Variants in ZDHHC20 observed in about 807,000 individuals in gnomAD.
ZDHHC20 encodes the protein palmitoyltransferase ZDHHC20.
Under a neutral mutation model 57.8 loss-of-function variants are expected in ZDHHC20, and 43 were observed. The observed-to-expected ratio is 0.74, with a 90% CI of 0.58 to 0.96. The LOEUF is 0.96. Ranked by LOEUF, ZDHHC20 falls within the 40% of genes least tolerant of loss-of-function variation. The probability of loss-of-function intolerance (pLI) is 0.00; values close to 1 mark genes in which losing one functional copy is unlikely to be tolerated. For synonymous variants in ZDHHC20, 157 were observed against 153.0 expected, an observed-to-expected ratio of 1.03 and a Z score of -0.19; for missense variants, 391 against 441.1, an observed-to-expected ratio of 0.89 and a Z score of 1.02.
Position 21,427,520 on chromosome 13 carries a change from C to G in ZDHHC20, c.119-1842G>C, listed in dbSNP as rs570500757. ...GCTTCTCACCAAGATATTCAGGGAA[C>G]AATAAAACTGCTTCATATAAAAACA... is the stretch of plus-strand genomic sequence containing the variant. On this transcript the variant is annotated intron_variant, in intron 1 of 12. Transcript: ENST00000400590. Among the ~76,000 whole-genome samples the G allele has an allele frequency of 6.6e-5, 10 of 152,084 alleles. No homozygotes were observed. In the South Asian group the frequency reaches 1.2e-3, roughly 19 times the overall value.
chr13:21,453,809 C>G (rs1430166540), intron 1 of ZDHHC20, among the ~76,000 whole-genome samples: 1 of 152,114 alleles, frequency 6.6e-6, no homozygotes, highest in Non-Finnish European at 1.5e-5. Context: ...CCAGCCTGGG[C>G]AACAGAGCAA....
At chr13:21,422,680 T>C (rs951641024) in intron 2 of ZDHHC20, among the ~76,000 whole-genome samples, 3 of 152,210 alleles carry the variant, frequency 2.0e-5, no homozygotes, top group African/African-American at 7.2e-5. Flanking sequence ...TTATTTTCAC[T>C]GCCAGTGCAT....
At chr13:21,390,549 C>T (rs1402352346) in intron 8 of ZDHHC20, among the ~76,000 whole-genome samples, 2 of 152,036 alleles carry the variant, frequency 1.3e-5, no homozygotes, top group Admixed American at 6.6e-5. Context: ...TATTCCTTAG[C>T]CTCAGTCATG....
At chr13:21,435,269 G>GA (rs1882425636) in intron 1 of ZDHHC20, among the ~76,000 whole-genome samples, 1 of 151,876 alleles carries the variant, frequency 6.6e-6, no homozygotes, top group African/African-American at 2.4e-5. Context: ...GTGATTCTGA[G>GA]ATGTTAGAGG....
chr13:21,378,416 T>C (rs1021299713), intron 12 of ZDHHC20, among the ~76,000 whole-genome samples: 1 of 152,198 alleles, frequency 6.6e-6, no homozygotes, highest in South Asian at 2.1e-4. Flanking sequence ...GTGGTCCACA[T>C]ACTAGTCCTA....
chr13:21,448,491 C>T lies in ZDHHC20; in HGVS notation c.118+10563G>A, dbSNP rs1301888952. ...GGGGGGGTCAGCCCCGCCGCCCGGC[C>T]AGCCGCCCCGTCCGGGAGGTGAGGG... On this transcript the variant is annotated intron_variant, in intron 1 of 12. Coordinates refer to ENST00000400590, the MANE Select transcript of ZDHHC20 (RefSeq NM_001330059.2). 1.6e-4 allele frequency among the ~76,000 whole-genome samples: 16 copies of T among 102,712 alleles called. 4 individuals carry two copies. The highest frequency in any genetic ancestry group is 1.5e-3 in the Admixed American group (16 of 10,750). 67.4% of individuals were successfully genotyped at this position (102,712 alleles called of 152,430 possible). A position where few individuals can be genotyped will look rare whatever the true frequency, so the allele number is the denominator to read the frequency against.
chr13:21,421,206 A>C, intron 2 of ZDHHC20, 42 bp from the exon 3 acceptor site: 1 of 1,509,536 alleles, frequency 6.6e-7, no homozygotes, highest in Non-Finnish European at 9.2e-7. Flanking sequence ...AATCCAGGTG[A>C]AAACAGCAAA....
At chr13:21,411,673 T>G (rs1473813136) in intron 4 of ZDHHC20, among the ~76,000 whole-genome samples, 1 of 152,236 alleles carries the variant, frequency 6.6e-6, no homozygotes, top group African/African-American at 2.4e-5. Context: ...GCTTGATGAC[T>G]GAGCAGAATG....
chr13:21,435,549 T>C (rs1882455730), intron 1 of ZDHHC20, among the ~76,000 whole-genome samples: 1 of 152,192 alleles, frequency 6.6e-6, no homozygotes, highest in Non-Finnish European at 1.5e-5. Context: ...TAGATTATAA[T>C]TCACAAAATA....
At chr13:21,409,934 G>C (rs1343055629) in intron 4 of ZDHHC20, among the ~76,000 whole-genome samples, 1 of 152,170 alleles carries the variant, frequency 6.6e-6, no homozygotes, top group Non-Finnish European at 1.5e-5. Context: ...TGCTGGCAAG[G>C]AGTTGTGACC....
intron 3 of ZDHHC20, 46 bp downstream of exon 3, chr13:21,421,015 C>T: frequency 1.3e-6 from 2 of 1,502,892 alleles, no homozygotes; most frequent in Non-Finnish European, 1.8e-6. Flanking sequence ...AAAAAAAATT[C>T]CATAATCAGT....
intron 1 of ZDHHC20, among the ~76,000 whole-genome samples, chr13:21,435,358 G>A (rs1042914119): frequency 1.6e-4 from 24 of 151,338 alleles, no homozygotes; most frequent in African/African-American, 5.8e-4. Context: ...ATTCATTCTT[G>A]GTCCCTGTTG....
At chr13:21,429,041 C>T (rs1881619407) in intron 1 of ZDHHC20, among the ~76,000 whole-genome samples, 1 of 152,124 alleles carries the variant, frequency 6.6e-6, no homozygotes, top group African/African-American at 2.4e-5. Flanking sequence ...TCTTTGTGAA[C>T]ATGAGGGCTG....
At chr13:21,407,500 T>C (rs2137828528) in intron 4 of ZDHHC20, among the ~76,000 whole-genome samples, 1 of 152,352 alleles carries the variant, frequency 6.6e-6, no homozygotes, top group Non-Finnish European at 1.5e-5. Context: ...GAAATATAAG[T>C]TCCTTGTAGA....
At chr13:21,419,652 T>G (rs1593240594) in intron 3 of ZDHHC20, among the ~76,000 whole-genome samples, 1 of 152,186 alleles carries the variant, frequency 6.6e-6, no homozygotes, top group East Asian at 1.9e-4. Flanking sequence ...AAACTCCATT[T>G]ATATTTAATA....
intron 4 of ZDHHC20, among the ~76,000 whole-genome samples, chr13:21,410,909 GA>G (rs900360103): frequency 7.2e-5 from 11 of 151,950 alleles, no homozygotes; most frequent in African/African-American, 2.2e-4. Context: ...ACTGGGGTAC[GA>G]AAAAAAACTC....
In ZDHHC20 at chr13:21,374,420, A is replaced by C; in HGVS notation, c.*2276T>G. 2.2e-6 allele frequency: 1 copy of C among 455,798 alleles called. No homozygotes were observed. The highest frequency in any genetic ancestry group is 4.4e-6 in the Non-Finnish European group (1 of 226,644). 28.2% of individuals were successfully genotyped at this position (455,798 alleles called of 1,614,324 possible). The stretch of plus-strand genomic sequence containing the variant: ...TGGGGTTTTTTTGTATTTTTAGTGG[A>C]GACAGGGTTTTGCCATTTTGACCAG... On this transcript the variant is annotated 3_prime_UTR_variant, in exon 13 of 13. Coordinates refer to ENST00000400590, the MANE Select transcript of ZDHHC20 (RefSeq NM_001330059.2).
At chr13:21,439,131 A>T (rs1882863595) in intron 1 of ZDHHC20, among the ~76,000 whole-genome samples, 1 of 152,158 alleles carries the variant, frequency 6.6e-6, no homozygotes, top group Non-Finnish European at 1.5e-5. Context: ...CAATTTTCCC[A>T]CCAAGGTATG....
At chr13:21,419,095 A>G (rs1880350084) in intron 3 of ZDHHC20, among the ~76,000 whole-genome samples, 5 of 152,176 alleles carry the variant, frequency 3.3e-5, no homozygotes, top group Non-Finnish European at 1.5e-5. Flanking sequence ...TATGTTTTCA[A>G]TAGTCATCAC....
Sources: gnomAD v4.1 joint callset for allele counts (sites outside exome capture counted in the v4.1 genomes callset) on GRCh38, gnomAD v4.1.1 for gene constraint, MANE v1.5 for transcripts, NCBI Gene and HGNC (gene_info 2026-07-23, HGNC 2026-07-21) for gene names.